The following FBLN1 variants were observed in gnomAD, a reference collection of about 807,000 sequenced individuals.
FBLN1 encodes the protein fibulin-1.
FBLN1 carries 34 observed loss-of-function variants against 89.7 expected under a neutral mutation model. That is an observed-to-expected ratio of 0.38 (90% CI 0.29 to 0.50). The LOEUF is 0.50. Ranked by LOEUF, FBLN1 falls within the 20% of genes least tolerant of loss-of-function variation. The pLI, the probability that FBLN1 is intolerant of heterozygous loss-of-function variation, is 0.92. For missense variants in FBLN1, 777 were observed against 988.1 expected (o/e 0.79, Z 2.86); for synonymous variants, 393 against 391.3 (o/e 1.00, Z -0.05).
chr22:45,573,898 G>A (rs1227257376), intron 14 of FBLN1, among the ~76,000 whole-genome samples: 1 of 152,084 alleles, frequency 6.6e-6, no homozygotes, highest in Non-Finnish European at 1.5e-5. Flanking sequence ...TTTTGTATCC[G>A]TGTTTTATTT....
Position 45,561,598 on chromosome 22 carries a change from A to C in FBLN1, c.1697+10983A>C, listed in dbSNP as rs186198565. 6.6e-6 allele frequency among the ~76,000 whole-genome samples: 1 copy of C among 152,356 alleles called. No homozygotes were observed. Among genetic ancestry groups the C allele is most frequent in the Admixed American group, 6.5e-5 (1 of 15,296 alleles). ...GCATTTTTGGATCTAATCGTTAACC[A>C]GCCAACCCCAGAAACCCCAAAACCA... is the stretch of plus-strand genomic sequence containing the variant. On this transcript the variant is annotated intron_variant, in intron 14 of 16. Transcript: ENST00000327858. This position sits in a 1 kb window ranked among gnomAD's most constrained non-coding sequence, Gnocchi z 4.7.
intron 11 of FBLN1, among the ~76,000 whole-genome samples, chr22:45,546,288 G>A (rs559189135): frequency 6.6e-6 from 1 of 152,280 alleles, no homozygotes; most frequent in East Asian, 1.9e-4. Flanking sequence ...TGTGATCTTG[G>A]CTCACTGCAA....
intron 1 of FBLN1, among the ~76,000 whole-genome samples, chr22:45,511,667 G>A (rs1285106155): frequency 6.6e-6 from 1 of 151,888 alleles, no homozygotes; most frequent in Non-Finnish European, 1.5e-5. Context: ...GGCTGGTCTC[G>A]AACTCCTGGA....
chr22:45,589,713 T>C (rs2089119716), intron 16 of FBLN1, among the ~76,000 whole-genome samples: 1 of 152,118 alleles, frequency 6.6e-6, no homozygotes, highest in Non-Finnish European at 1.5e-5. Flanking sequence ...AGAAGGGGCA[T>C]GACTGGCCTG....
At chr22:45,599,505 G>C (rs1262972760) in intron 16 of FBLN1, among the ~76,000 whole-genome samples, 1 of 152,126 alleles carries the variant, frequency 6.6e-6, no homozygotes, top group Non-Finnish European at 1.5e-5. Flanking sequence ...TGGGGGAGAG[G>C]ATACGCCTGC....
chr22:45,550,868 A>G lies in FBLN1; in HGVS notation c.1697+253A>G. ...TTTTCAGGCCAAGGCTGTGCACAGAACCAGGAGAAACCACAGCCCTCTTTT... is the reference window on the plus strand; with the variant it reads ...TTTTCAGGCCAAGGCTGTGCACAGAGCCAGGAGAAACCACAGCCCTCTTTT... On this transcript the variant is annotated intron_variant, in intron 14 of 16. Transcript: ENST00000327858. This position sits in a 1 kb window ranked among gnomAD's most constrained non-coding sequence, Gnocchi z 8.4. 1 of 552,522 alleles carries G rather than the reference A, an allele frequency of 1.8e-6. No individual in the cohort carries two copies. The highest frequency in any genetic ancestry group is 2.0e-5 in the South Asian group (1 of 49,574). The allele number at this position is 552,522 out of a possible 1,614,324, so 34.2% of individuals were successfully genotyped here.
rs543249744 is a variant in FBLN1, at chr22:45,562,640, A to G, written c.1698-11871A>G. ...CTGGGGTGGGGCTCTGCCAGTGAGC[A>G]GGGGACGCACCTCACTCCGGGCACA... On this transcript the variant is annotated intron_variant, in intron 14 of 16. Transcript: ENST00000327858. This position sits in a 1 kb window ranked among gnomAD's most constrained non-coding sequence, Gnocchi z 7.8. Among the ~76,000 whole-genome samples the G allele has an allele frequency of 2.0e-5, 3 of 152,250 alleles. No individual in the cohort carries two copies. In the East Asian group the frequency reaches 5.8e-4, roughly 30 times the overall value.
chr22:45,529,589 G>A (rs1022123552), intron 4 of FBLN1, among the ~76,000 whole-genome samples: 4 of 152,200 alleles, frequency 2.6e-5, no homozygotes, highest in Admixed American at 2.0e-4. Flanking sequence ...GTGTGAGCTG[G>A]GCACGGTGGC....
At chr22:45,600,180 A>G in intron 16 of FBLN1, 127 bp from the exon 17 acceptor site, 1 of 1,100,996 alleles carries the variant, frequency 9.1e-7, no homozygotes, top group South Asian at 1.3e-5. Flanking sequence ...CATCTGGCGT[A>G]GGATGGGACT....
At chr22:45,544,479 T>C (rs2088601111) in intron 11 of FBLN1, among the ~76,000 whole-genome samples, 1 of 152,218 alleles carries the variant, frequency 6.6e-6, no homozygotes, top group Non-Finnish European at 1.5e-5. Flanking sequence ...TCCCCAGGCA[T>C]GTCCCCAGCC....
At chr22:45,519,760 T>C (rs6006765) in intron 2 of FBLN1, among the ~76,000 whole-genome samples, 93,365 of 152,066 alleles carry the variant, frequency 0.61, 28,875 homozygotes, top group East Asian at 0.77. Context: ...CAGCAGCCAG[T>C]CTGGCCCCGG....
chr22:45,538,932 C>A (rs115990309), intron 8 of FBLN1, among the ~76,000 whole-genome samples: 1 of 152,114 alleles, frequency 6.6e-6, no homozygotes, highest in African/African-American at 2.4e-5. Context: ...GGTCTCTGCC[C>A]CTATCATGCA....
chr22:45,584,874 C>A (rs898919972), intron 16 of FBLN1, among the ~76,000 whole-genome samples: 1 of 152,240 alleles, frequency 6.6e-6, no homozygotes, highest in African/African-American at 2.4e-5. Flanking sequence ...GGAAGCAAGT[C>A]AGCAAGCAGG....
rs1037793221 is a variant in FBLN1, at chr22:45,597,629, G to A, written c.1973-2678G>A. Among the ~76,000 whole-genome samples the A allele has an allele frequency of 6.6e-6, 1 of 152,132 alleles. No homozygotes were observed. Among genetic ancestry groups the A allele is most frequent in the Non-Finnish European group, 1.5e-5 (1 of 68,022 alleles). ...GGGAGGGGCAGGCAGGAGTGACCCC[G>A]TCATCAGGTTCTGCTGGCGAGCCCA... On this transcript the variant is annotated intron_variant, in intron 16 of 16. Transcript: ENST00000327858. This position sits in a 1 kb window ranked among gnomAD's most constrained non-coding sequence, Gnocchi z 4.2.
At chr22:45,533,291 G>A (rs1365948749) in intron 6 of FBLN1, 127 bp downstream of exon 6, 1 of 871,424 alleles carries the variant, frequency 1.1e-6, no homozygotes, top group African/African-American at 1.7e-5. Flanking sequence ...GAGCAGCCCA[G>A]GACGCGCTTT....
At position 45,588,194 on chromosome 22, in the gene FBLN1, T is replaced by C. The variant is rs1014675076; in HGVS notation, c.1972+11086T>C. Among the ~76,000 whole-genome samples the C allele has an allele frequency of 4.3e-4, 65 of 152,102 alleles. No homozygotes were observed. The highest frequency in any genetic ancestry group is 1.6e-3 in the African/African-American group (65 of 41,496). On this transcript the variant is annotated intron_variant, in intron 16 of 16. Transcript: ENST00000327858. The surrounding 1 kb of genome is among the most constrained non-coding windows in gnomAD (Gnocchi z 5.1). ...CTTTAAATCTGGTGGTCAGTGACAT[T>C]TGTCAAAGACTCAGGAGCTGAGGAA...
chr22:45,586,991 C>T lies in FBLN1; in HGVS notation c.1972+9883C>T, dbSNP rs3827395. Among the ~76,000 whole-genome samples the T allele has an allele frequency of 9.1e-4, 138 of 152,214 alleles. 3 individuals are homozygous for T. In the East Asian group the frequency reaches 0.019, roughly 21 times the overall value. ...TGGGACCTTGACATGCTGCCGTTCTCGTGAGCTTCTGGGGGACTCCTGCGA... is the reference window on the plus strand; with the variant it reads ...TGGGACCTTGACATGCTGCCGTTCTTGTGAGCTTCTGGGGGACTCCTGCGA... On this transcript the variant is annotated intron_variant, in intron 16 of 16. Coordinates refer to ENST00000327858, the MANE Select transcript of FBLN1 (RefSeq NM_006486.3).
intron 14 of FBLN1, among the ~76,000 whole-genome samples, chr22:45,570,319 C>CAAAAAAAAAAAAAAAAAAAAAAAAAAAA (rs761469854): frequency 2.7e-5 from 1 of 36,444 alleles, no homozygotes; most frequent in Admixed American, 3.6e-4. Flanking sequence ...GACTCTGTCT[C>CAAAAAAAAAAAAAAAAAAAAAAAAAAAA]AAAAAAAAAA....
chr22:45,565,239 C>A, intron 14 of FBLN1: 1 of 1,419,380 alleles, frequency 7.0e-7, no homozygotes, highest in Non-Finnish European at 9.3e-7. Context: ...TTAGAACCTT[C>A]CATGGTTGTC....
Sources: allele counts gnomAD v4.1 joint callset (sites outside exome capture counted in the v4.1 genomes callset), GRCh38; gene constraint gnomAD v4.1.1; non-coding constraint Gnocchi (gnomAD v3.1); transcripts MANE v1.5; gene names NCBI Gene and HGNC (gene_info 2026-07-23, HGNC 2026-07-21).